AK7: variants seen among roughly 807,000 people sequenced by gnomAD.
The protein encoded by AK7 is adenylate kinase 7.
In AK7, 78 loss-of-function variants were observed where a neutral mutation model predicts 96.6. The observed-to-expected ratio is 0.81, with a 90% confidence interval of 0.67 to 0.97. AK7 has a LOEUF of 0.97. Among genes scored for constraint, AK7 ranks in the 50% least tolerant of loss-of-function variants. AK7 has a pLI of 0.00. For synonymous variants in AK7, 302 were observed against 317.2 expected (o/e 0.95, Z 0.51); for missense variants, 855 against 887.9 (o/e 0.96, Z 0.47).
Position 96,471,556 on chromosome 14 carries a change from T to G in AK7, c.1436T>G (p.Ile479Ser), listed in dbSNP as rs1894890143. Residue 479 changes from isoleucine (I) to serine (S), a missense_variant, in exon 13 of 18, where the codon ATT becomes AGT. Physicochemically the swap from Ile to Ser is moderately radical, Grantham distance 142 (BLOSUM62 -2). Coordinates refer to ENST00000267584, the MANE Select transcript of AK7 (RefSeq NM_152327.5). ...KSMPCRNQGY[I>S]LDGFPKTYDQ... is the part of the protein sequence containing the mutation. ...ATGCCTTGCAGGAATCAAGGTTATATTTTGGATGGATTCCCAAAGACCTAT... is the reference window on the plus strand; with the variant it reads ...ATGCCTTGCAGGAATCAAGGTTATAGTTTGGATGGATTCCCAAAGACCTAT... 6.3e-7 allele frequency: 1 copy of G among 1,599,096 alleles called. No homozygotes were observed. Among genetic ancestry groups the G allele is most frequent in the East Asian group, 2.3e-5 (1 of 44,438 alleles).
chr14:96,467,956 C>T (rs1447147028), intron 12 of AK7, among the ~76,000 whole-genome samples: 4 of 151,266 alleles, frequency 2.6e-5, no homozygotes, highest in African/African-American at 4.9e-5. Context: ...GATACGGTGG[C>T]TCACATATGG....
At chr14:96,474,211 T>C (rs1287213289) in intron 14 of AK7, among the ~76,000 whole-genome samples, 3 of 152,144 alleles carry the variant, frequency 2.0e-5, no homozygotes, top group Non-Finnish European at 4.4e-5. Context: ...AGGCAGCTTG[T>C]GGCTGTTTTC....
At chr14:96,451,327 TG>T in intron 9 of AK7, 93 bp from the exon 10 acceptor site, 1 of 1,124,558 alleles carries the variant, frequency 8.9e-7, no homozygotes, top group Non-Finnish European at 1.2e-6. Context: ...GAATGTATAT[TG>T]TTTTTCTTTA....
intron 13 of AK7, among the ~76,000 whole-genome samples, 155 bp from the exon 14 acceptor site, chr14:96,472,532 T>C (rs761265612): frequency 5.3e-5 from 8 of 152,242 alleles, no homozygotes; most frequent in African/African-American, 9.6e-5. Context: ...CATCTATCAA[T>C]GTACATTTAG....
At chr14:96,480,032 C>T (rs954571593) in intron 15 of AK7, among the ~76,000 whole-genome samples, 7 of 152,128 alleles carry the variant, frequency 4.6e-5, no homozygotes, top group Admixed American at 1.3e-4. Context: ...TTGTTACAAA[C>T]GGTAGAGATG....
intron 5 of AK7, among the ~76,000 whole-genome samples, chr14:96,424,968 C>G (rs1337691495): frequency 6.6e-6 from 1 of 152,172 alleles, no homozygotes; most frequent in Non-Finnish European, 1.5e-5. Context: ...ATTTTTATTA[C>G]AAAACCTTAC....
chr14:96,442,304 G>A (rs1035166791), intron 6 of AK7, among the ~76,000 whole-genome samples: 6 of 152,102 alleles, frequency 3.9e-5, no homozygotes, highest in Non-Finnish European at 8.8e-5. Flanking sequence ...TACTGGTGGG[G>A]GTAATTTTAA....
At chr14:96,448,630 TAAAAAAAAAAAAAAAAAAA>T (rs71103528) in intron 8 of AK7, among the ~76,000 whole-genome samples, 6 of 74,884 alleles carry the variant, frequency 8.0e-5, no homozygotes, top group Admixed American at 1.8e-4. Flanking sequence ...ACCCTATCTC[TAAAAAAAAAAAAAAAAAAA>T]AAAAAAAAAA....
At chr14:96,395,718 GAAAAAA>G (rs71103518) in intron 1 of AK7, among the ~76,000 whole-genome samples, 9 of 41,034 alleles carry the variant, frequency 2.2e-4, no homozygotes, top group Non-Finnish European at 2.7e-4. Flanking sequence ...CTTGTCTCTA[GAAAAAA>G]AAAAAAAAAA....
intron 12 of AK7, among the ~76,000 whole-genome samples, chr14:96,459,989 AGTTT>A (rs1353908190): frequency 1.3e-5 from 2 of 152,254 alleles, no homozygotes; most frequent in Non-Finnish European, 2.9e-5. Flanking sequence ...CATTGTAGCC[AGTTT>A]GTTGAACAAA....
At chr14:96,472,210 C>A (rs1894934673) in intron 13 of AK7, among the ~76,000 whole-genome samples, 1 of 152,140 alleles carries the variant, frequency 6.6e-6, no homozygotes, top group African/African-American at 2.4e-5. Flanking sequence ...CAGGCTGGAG[C>A]ACAGTGATAT....
chr14:96,423,784 G>A lies in AK7; in HGVS notation c.609+2852G>A, dbSNP rs558644711. The A allele has an allele frequency of 6.2e-5, 46 of 741,948 alleles. No individual in the cohort carries two copies. In the African/African-American group the frequency reaches 6.4e-4, roughly 10 times the overall value. The allele number at this position is 741,948 out of a possible 1,614,324, so 46.0% of individuals were successfully genotyped here. On this transcript the variant is annotated intron_variant, in intron 5 of 17. Transcript: ENST00000267584. Reference sequence around the variant, plus strand: ...TGCCGGCCACCGGGACCCCGAGCGCGTACTTTTTACGGGGGGACGCCACCT... The same window carrying A: ...TGCCGGCCACCGGGACCCCGAGCGCATACTTTTTACGGGGGGACGCCACCT...
At chr14:96,478,695 C>T (rs1211954139) in intron 15 of AK7, 33 bp downstream of exon 15, 1 of 1,600,612 alleles carries the variant, frequency 6.2e-7, no homozygotes, top group Admixed American at 1.7e-5. Context: ...ATGTGAATGT[C>T]CAGGACCCCC....
chr14:96,392,853 G>A (rs1889837435), intron 1 of AK7, among the ~76,000 whole-genome samples: 1 of 152,034 alleles, frequency 6.6e-6, no homozygotes, highest in Non-Finnish European at 1.5e-5. Flanking sequence ...TAGCAGAGAC[G>A]GGGTTTCACT....
intron 5 of AK7, among the ~76,000 whole-genome samples, chr14:96,423,093 T>C (rs1439067007): frequency 1.3e-5 from 2 of 152,246 alleles, no homozygotes; most frequent in East Asian, 3.8e-4. Flanking sequence ...GCTGCCCATC[T>C]ACAGGGCCAT....
chr14:96,396,289 T>G (rs1890080063), intron 1 of AK7, among the ~76,000 whole-genome samples: 1 of 152,202 alleles, frequency 6.6e-6, no homozygotes, highest in African/African-American at 2.4e-5. Flanking sequence ...AAATTCCAGG[T>G]AATTACTGAT....
chr14:96,468,533 G>A (rs1436694496), intron 12 of AK7, among the ~76,000 whole-genome samples: 1 of 151,914 alleles, frequency 6.6e-6, no homozygotes, highest in Non-Finnish European at 1.5e-5. Flanking sequence ...TTCTGACCTC[G>A]TGATCCACCT....
intron 2 of AK7, among the ~76,000 whole-genome samples, chr14:96,403,834 G>A (rs377732258): frequency 9.2e-5 from 14 of 152,212 alleles, no homozygotes; most frequent in African/African-American, 2.9e-4. Flanking sequence ...CATGCAGCAA[G>A]GATTGACTAG....
At chr14:96,400,835 G>A (rs375446045) in intron 2 of AK7, among the ~76,000 whole-genome samples, 4 of 152,212 alleles carry the variant, frequency 2.6e-5, no homozygotes, top group Non-Finnish European at 4.4e-5. Context: ...TTAATTTCCC[G>A]CAGGCTGAGG....
Sources: allele counts gnomAD v4.1 joint callset (sites outside exome capture counted in the v4.1 genomes callset), GRCh38; gene constraint gnomAD v4.1.1; transcripts MANE v1.5; gene names NCBI Gene and HGNC (gene_info 2026-07-23, HGNC 2026-07-21).